Variants in OR52E4 observed in about 807,000 individuals in gnomAD.
OR52E4 encodes olfactory receptor family 52 subfamily E member 4.
For missense variants in OR52E4, 444 were observed against 383.8 expected (o/e 1.16, Z -1.31); for synonymous variants, 169 against 137.4 (o/e 1.23, Z -1.61).
chr11:5,882,659 A>C (rs1034230800), intron 1 of OR52E4, among the ~76,000 whole-genome samples: 2 of 151,856 alleles, frequency 1.3e-5, no homozygotes, highest in African/African-American at 4.8e-5. Flanking sequence ...ATAATAAAAC[A>C]TGATTTCTCT....
At position 5,884,369 on chromosome 11, in the gene OR52E4, A is replaced by AG; in HGVS notation, c.77_78insG (p.His26GlnfsTer29). 7 of 1,613,250 alleles carry AG rather than the reference A, an allele frequency of 4.3e-6. No individual in the cohort carries two copies. Among genetic ancestry groups the AG allele is most frequent in the Middle Eastern group, 3.3e-4 (2 of 6,052 alleles). On this transcript the variant is annotated frameshift_variant, in exon 2 of 2. Coordinates refer to ENST00000641726, the MANE Select transcript of OR52E4 (RefSeq NM_001005165.2). LOFTEE classifies it low-confidence loss of function (END_TRUNC). ...GGAATACCAGGACTGGACACTTTAC[A>AG]TATCTGGATTTCTTTCCCATTCTGT...
Position 5,885,063 on chromosome 11 carries a change from TTTTTC to T in OR52E4, c.776_780del (p.Ser259TyrfsTer19). 1 of 1,613,554 alleles carries T rather than the reference TTTTTC, an allele frequency of 6.2e-7. No homozygotes were observed. Among genetic ancestry groups the T allele is most frequent in the Non-Finnish European group, 8.5e-7 (1 of 1,179,724 alleles). On this transcript the variant is annotated frameshift_variant, in exon 2 of 2. Transcript: ENST00000641726. LOFTEE classifies it low-confidence loss of function (END_TRUNC). ...TGCTGTGCTTTTACACACCAGCATT[TTTTTC>T]TTTTATGACACATCGTTTTGGCCAA...
rs1488784808 is a variant in OR52E4, at chr11:5,885,104, A to G, written c.812A>G (p.His271Arg). The G allele has an allele frequency of 4.3e-6, 7 of 1,613,196 alleles. No individual in the cohort carries two copies. In the Admixed American group the frequency reaches 1.0e-4, roughly 23 times the overall value. ...CATCGTTTTGGCCAAAACATTCCCC[A>G]CTATATCCATATTCTTTTGGCTAAC... ...MTHRFGQNIP[H>R]YIHILLANLY... The change falls in exon 2 of 2, where the codon CAC (histidine) becomes CGC (arginine). Residue 271 changes from histidine (H) to arginine (R), a missense_variant. Transcript: ENST00000641726.
At position 5,884,965 on chromosome 11, in the gene OR52E4, G is replaced by A. The variant is rs1320142539; in HGVS notation, c.673G>A (p.Ala225Thr). The A allele has an allele frequency of 1.2e-6, 2 of 1,612,576 alleles. No individual in the cohort carries two copies. Among genetic ancestry groups the A allele is most frequent in the Non-Finnish European group, 1.7e-6 (2 of 1,178,978 alleles). ...IASSYVLILRAVFRLPSQDVR... is the reference protein window; with the variant it reads ...IASSYVLILRTVFRLPSQDVR... ...CTCTTCCTATGTGCTTATCCTTAGAGCTGTTTTTCGCCTTCCCTCTCAAGA... is the reference window on the plus strand; with the variant it reads ...CTCTTCCTATGTGCTTATCCTTAGAACTGTTTTTCGCCTTCCCTCTCAAGA... Residue 225 changes from alanine to threonine, a missense_variant, in exon 2 of 2, where the codon GCT (alanine) becomes ACT (threonine). Coordinates refer to ENST00000641726, the MANE Select transcript of OR52E4 (RefSeq NM_001005165.2).
At position 5,886,265 on chromosome 11, in the gene OR52E4, C is replaced by T. The variant is rs1847042695; in HGVS notation, c.*1034C>T. ...GTTCAGTCCCTCTAGAGAACACTGA[C>T]TAATACACTTTTCTTTTACATTCGT... On this transcript the variant is annotated 3_prime_UTR_variant, in exon 2 of 2. Coordinates refer to ENST00000641726, the MANE Select transcript of OR52E4 (RefSeq NM_001005165.2). 6.6e-6 allele frequency: 1 copy of T among 151,626 alleles called. No homozygotes were observed. The highest frequency in any genetic ancestry group is 6.6e-5 in the Admixed American group (1 of 15,202). 9.4% of individuals were successfully genotyped at this position (151,626 alleles called of 1,614,324 possible).
chr11:5,885,177 C>A lies in OR52E4; in HGVS notation c.885C>A (p.Val295=), dbSNP rs1847024336. The A allele has an allele frequency of 1.2e-6, 2 of 1,607,348 alleles. No homozygotes were observed. Among genetic ancestry groups the A allele is most frequent in the African/African-American group, 1.3e-5 (1 of 74,642 alleles). Residue 295 remains valine (V), a synonymous_variant, in exon 2 of 2, where the codon GTC becomes GTA. Coordinates refer to ENST00000641726, the MANE Select transcript of OR52E4 (RefSeq NM_001005165.2). ...PPALNPVIYG[V]RTKQIREQIV... is the part of the protein sequence containing the mutation. The stretch of plus-strand genomic sequence containing the variant: ...CCCTTAACCCTGTCATTTATGGAGT[C>A]AGGACCAAGCAGATCCGAGAGCAAA...
intron 1 of OR52E4, among the ~76,000 whole-genome samples, chr11:5,882,419 T>C (rs1262711382): frequency 6.6e-6 from 1 of 152,026 alleles, no homozygotes. Context: ...CTCTCCCAGG[T>C]GAAATCACAA....
At position 5,885,193 on chromosome 11, in the gene OR52E4, C is replaced by T. The variant is rs779442120; in HGVS notation, c.901C>T (p.Arg301Ter). 1.6e-5 allele frequency: 26 copies of T among 1,598,032 alleles called. No homozygotes were observed. The highest frequency in any genetic ancestry group is 2.2e-5 in the East Asian group (1 of 44,658). ...VIYGVRTKQI[R>*]EQIVKIFVQK... Reference sequence around the variant, plus strand: ...TTATGGAGTCAGGACCAAGCAGATCCGAGAGCAAATTGTGAAAATATTTGT... The same window carrying T: ...TTATGGAGTCAGGACCAAGCAGATCTGAGAGCAAATTGTGAAAATATTTGT... The change falls in exon 2 of 2, where the codon CGA (arginine) becomes TGA (stop). Residue 301 changes from arginine to a stop codon, truncating the protein, a stop_gained. Transcript: ENST00000641726. LOFTEE classifies it high-confidence loss of function.
rs911791578 is a variant in OR52E4 at position 5,884,556 on chromosome 11, G to A, written c.264G>A (p.Trp88Ter). 3 of 1,613,308 alleles carry A rather than the reference G, an allele frequency of 1.9e-6. No homozygotes were observed. Among genetic ancestry groups the A allele is most frequent in the Non-Finnish European group, 2.5e-6 (3 of 1,179,692 alleles). The change falls in exon 2 of 2, where the codon TGG (tryptophan) becomes TGA (stop). Residue 88 changes from tryptophan (W) to a stop codon, truncating the protein, a stop_gained. Transcript: ENST00000641726. LOFTEE classifies it low-confidence loss of function (END_TRUNC). ...TCCCCAAAATGCTAGGAATCTTCTGGTTCAACCTCCAAGAGATCAGCTTTG... is the reference window on the plus strand; with the variant it reads ...TCCCCAAAATGCTAGGAATCTTCTGATTCAACCTCCAAGAGATCAGCTTTG... Reference protein sequence around the residue: ...STIPKMLGIFWFNLQEISFGG... With the variant: ...STIPKMLGIF
Position 5,886,337 on chromosome 11 carries a change from C to T in OR52E4, c.*1106C>T, listed in dbSNP as rs935128168. The T allele has an allele frequency of 6.6e-6, 1 of 151,896 alleles. No homozygotes were observed. Among genetic ancestry groups the T allele is most frequent in the Non-Finnish European group, 1.5e-5 (1 of 67,966 alleles). The allele number at this position is 151,896 out of a possible 1,614,324, so 9.4% of individuals were successfully genotyped here. A position where few individuals can be genotyped will look rare whatever the true frequency, so the allele number is the denominator to read the frequency against. ...GTGAATTTAGGGATATGAGAGACTA[C>T]AGTGTGGGTATTACGGAGACATGTT... is the stretch of plus-strand genomic sequence containing the variant. On this transcript the variant is annotated 3_prime_UTR_variant, in exon 2 of 2. Transcript: ENST00000641726.
In OR52E4 at chr11:5,884,646, G is replaced by T; in HGVS notation, c.354G>T (p.Val118=). The T allele has an allele frequency of 6.2e-7, 1 of 1,613,492 alleles. No individual in the cohort carries two copies. Among genetic ancestry groups the T allele is most frequent in the Non-Finnish European group, 8.5e-7 (1 of 1,179,716 alleles). The change falls in exon 2 of 2, where the codon GTG becomes GTT. Residue 118 remains valine (V), a synonymous_variant. Coordinates refer to ENST00000641726, the MANE Select transcript of OR52E4 (RefSeq NM_001005165.2). The stretch of plus-strand genomic sequence containing the variant: ...CAGGCATGGAGACTGTTCTGTTGGT[G>T]GTCATGGCTTATGACCGCTTTGTTG... ...MFTGMETVLL[V]VMAYDRFVAI... is the part of the protein sequence containing the mutation.
chr11:5,881,734 C>G (rs774270489), intron 1 of OR52E4, among the ~76,000 whole-genome samples: 1 of 152,066 alleles, frequency 6.6e-6, no homozygotes, highest in Non-Finnish European at 1.5e-5. Flanking sequence ...TGAGGATACA[C>G]TATGCACTAG....
rs1287624600 is a variant in OR52E4, at chr11:5,881,823, GA to G, written c.-75+1118del. Among the ~76,000 whole-genome samples the G allele has an allele frequency of 4.0e-5, 6 of 150,600 alleles. No individual in the cohort carries two copies. In the East Asian group the frequency reaches 5.8e-4, roughly 15 times the overall value. ...AATTTATCATCTCATTTTTACAGGA[GA>G]AAAAAAAACTGATCTATCTGGTTAA... On this transcript the variant is annotated intron_variant, in intron 1 of 1. Transcript: ENST00000641726.
Position 5,884,912 on chromosome 11 carries a change from A to T in OR52E4, c.620A>T (p.Tyr207Phe), listed in dbSNP as rs770071845. The change falls in exon 2 of 2, where the codon TAT (tyrosine) becomes TTT (phenylalanine). Residue 207 changes from tyrosine (Y) to phenylalanine (F), a missense_variant. Tyr to Phe is a conservative substitution (Grantham distance 22, BLOSUM62 3). Transcript: ENST00000641726. ...ATCTATGGGCTCATGGTGATTTCTT[A>T]TATTATTGTGGATGTGATCTTAATT... ...NIIYGLMVIS[Y>F]IIVDVILIAS... The T allele has an allele frequency of 1.9e-6, 3 of 1,613,122 alleles. No individual in the cohort carries two copies. Among genetic ancestry groups the T allele is most frequent in the Non-Finnish European group, 2.5e-6 (3 of 1,179,372 alleles).
chr11:5,884,777 T>C lies in OR52E4; in HGVS notation c.485T>C (p.Val162Ala). 1 of 1,613,664 alleles carries C rather than the reference T, an allele frequency of 6.2e-7. No homozygotes were observed. Among genetic ancestry groups the C allele is most frequent in the Non-Finnish European group, 8.5e-7 (1 of 1,179,786 alleles). ...AATTTAGTTCTTGTAACCCCATTTG[T>C]GTTTCTCATTCTGCGTCTGCCATTC... ...GRNLVLVTPF[V>A]FLILRLPFCG... The change falls in exon 2 of 2, where the codon GTG becomes GCG. Residue 162 changes from valine (V) to alanine (A), a missense_variant. Coordinates refer to ENST00000641726, the MANE Select transcript of OR52E4 (RefSeq NM_001005165.2).
chr11:5,885,110 T>G lies in OR52E4; in HGVS notation c.818T>G (p.Ile273Ser). The change falls in exon 2 of 2, where the codon ATC becomes AGC. Residue 273 changes from isoleucine (I) to serine (S), a missense_variant. By Grantham distance (142) the Ile-to-Ser change is moderately radical. Coordinates refer to ENST00000641726, the MANE Select transcript of OR52E4 (RefSeq NM_001005165.2). The part of the protein sequence containing the change: ...HRFGQNIPHY[I>S]HILLANLYVV... Reference sequence around the variant, plus strand: ...TTTGGCCAAAACATTCCCCACTATATCCATATTCTTTTGGCTAACCTGTAT... The same window carrying G: ...TTTGGCCAAAACATTCCCCACTATAGCCATATTCTTTTGGCTAACCTGTAT... 6.2e-7 allele frequency: 1 copy of G among 1,613,472 alleles called. No homozygotes were observed. Among genetic ancestry groups the G allele is most frequent in the Non-Finnish European group, 8.5e-7 (1 of 1,179,648 alleles).
chr11:5,885,450 G>A lies in OR52E4; in HGVS notation c.*219G>A. On this transcript the variant is annotated 3_prime_UTR_variant, in exon 2 of 2. Coordinates refer to ENST00000641726, the MANE Select transcript of OR52E4 (RefSeq NM_001005165.2). ...CCTGGACAAAGGTTAGAGATTAATG[G>A]AGAAGGTAACTATGCTGAAGGTTGA... 1 of 469,442 alleles carries A rather than the reference G, an allele frequency of 2.1e-6. No homozygotes were observed. Among genetic ancestry groups the A allele is most frequent in the Non-Finnish European group, 3.7e-6 (1 of 266,698 alleles). The allele number at this position is 469,442 out of a possible 1,614,324, so 29.1% of individuals were successfully genotyped here.
At chr11:5,881,318 T>C (rs1416257937) in intron 1 of OR52E4, among the ~76,000 whole-genome samples, 2 of 152,114 alleles carry the variant, frequency 1.3e-5, no homozygotes, top group African/African-American at 4.8e-5. Flanking sequence ...ATACCCCTGC[T>C]AGATCAGCCG....
In OR52E4 at chr11:5,884,351, C is replaced by G. The variant is rs1381141000; in HGVS notation, c.59C>G (p.Pro20Arg). ...YPPFFLLLGI[P>R]GLDTLHIWIS... ...CCCTTCTTCCTCCTGCTAGGAATAC[C>G]AGGACTGGACACTTTACATATCTGG... Residue 20 changes from proline to arginine, a missense_variant, in exon 2 of 2, where the codon CCA becomes CGA. Physicochemically the swap from Pro to Arg is moderately radical, Grantham distance 103. Coordinates refer to ENST00000641726, the MANE Select transcript of OR52E4 (RefSeq NM_001005165.2). 6.2e-7 allele frequency: 1 copy of G among 1,613,046 alleles called. No homozygotes were observed. Among genetic ancestry groups the G allele is most frequent in the Non-Finnish European group, 8.5e-7 (1 of 1,179,374 alleles).
Sources: gnomAD v4.1 joint callset for allele counts (sites outside exome capture counted in the v4.1 genomes callset) on GRCh38, gnomAD v4.1.1 for gene constraint, MANE v1.5 for transcripts, NCBI Gene and HGNC (gene_info 2026-07-23, HGNC 2026-07-21) for gene names.